ITIH2: variants seen among roughly 807,000 people sequenced by gnomAD.
The protein encoded by ITIH2 is inter-alpha-trypsin inhibitor heavy chain 2, also known as inter-alpha-trypsin inhibitor heavy chain H2.
In ITIH2, 103 loss-of-function variants were observed where a neutral mutation model predicts 104.4. The ratio of observed to expected loss-of-function variants is 0.99; its 90% confidence interval spans 0.84 to 1.16. The LOEUF (loss-of-function observed/expected upper bound fraction) is 1.16. Ranked by LOEUF, ITIH2 falls within the 50% of genes most tolerant of loss-of-function variation. The pLI is 0.00. For missense variants in ITIH2, 1,108 were observed against 1,162.4 expected (o/e 0.95, Z 0.68); for synonymous variants, 436 against 435.4 (o/e 1.00, Z -0.02).
chr10:7,717,626 G>A lies in ITIH2; in HGVS notation c.468G>A (p.Arg156=), dbSNP rs757028254. 9 of 1,612,546 alleles carry A rather than the reference G, an allele frequency of 5.6e-6. No individual in the cohort carries two copies. Among genetic ancestry groups the A allele is most frequent in the South Asian group, 4.4e-5 (4 of 91,010 alleles). ...TTTTGTTGGGGGCTTTCACCTTTAG[G>A]AGCAGCGCTCTTGATATGGAAAACT... ...RAKGKTAGLV[R]SSALDMENFR... is the part of the protein sequence containing the mutation. Residue 156 remains arginine, a splice_region_variant and synonymous_variant, in exon 6 of 21, where the codon AGG becomes AGA. Coordinates refer to ENST00000358415, the MANE Select transcript of ITIH2 (RefSeq NM_002216.3).
Position 7,703,354 on chromosome 10 carries a change from T to G in ITIH2, c.-81T>G. On this transcript the variant is annotated 5_prime_UTR_variant, in exon 1 of 21. Coordinates refer to ENST00000358415, the MANE Select transcript of ITIH2 (RefSeq NM_002216.3). ...GCGAACTGTACTCCTCTGCTGTTCC[T>G]TTGAACTTGGTTCAGTAGGAAGAAG... 1.1e-6 allele frequency: 1 copy of G among 917,436 alleles called. No homozygotes were observed. The highest frequency in any genetic ancestry group is 1.8e-6 in the Non-Finnish European group (1 of 549,792). The allele number at this position is 917,436 out of a possible 1,614,324, so 56.8% of individuals were successfully genotyped here.
In ITIH2 at chr10:7,717,610, G is replaced by A. The variant is rs1834862304; in HGVS notation, c.468-16G>A. The A allele has an allele frequency of 1.9e-6, 3 of 1,607,064 alleles. No homozygotes were observed. The highest frequency in any genetic ancestry group is 1.7e-5 in the Admixed American group (1 of 59,858). ...TCATGTATCTGTTGACTTTTGTTGG[G>A]GGCTTTCACCTTTAGGAGCAGCGCT... On this transcript the variant is annotated splice_polypyrimidine_tract_variant and intron_variant, in intron 5 of 20. Transcript: ENST00000358415.
At position 7,727,758 on chromosome 10, in the gene ITIH2, T is replaced by C; in HGVS notation, c.1209T>C (p.Asn403=). ...LRAIFILNEA[N]NLGLLDPNSV... is the part of the protein sequence containing the mutation. ...CAATCTTCATTTTGAATGAAGCCAA[T>C]AACTTGGGACTGTTAGACCCCAACT... Residue 403 remains asparagine, a synonymous_variant, in exon 11 of 21, where the codon AAT becomes AAC. Coordinates refer to ENST00000358415, the MANE Select transcript of ITIH2 (RefSeq NM_002216.3). 1 of 1,614,120 alleles carries C rather than the reference T, an allele frequency of 6.2e-7. No homozygotes were observed. Among genetic ancestry groups the C allele is most frequent in the Non-Finnish European group, 8.5e-7 (1 of 1,179,948 alleles).
chr10:7,732,362 A>C lies in ITIH2; in HGVS notation c.1672A>C (p.Thr558Pro), dbSNP rs1286082004. 1 of 1,613,996 alleles carries C rather than the reference A, an allele frequency of 6.2e-7. No individual in the cohort carries two copies. The highest frequency in any genetic ancestry group is 1.7e-5 in the Admixed American group (1 of 60,022). ...TSANTQLVLE[T>P]LAQMDDLQDF... ...GGCTAACACGCAGTTAGTCTTGGAG[A>C]CCCTGGCCCAGATGGACGACTTGCA... Residue 558 changes from threonine (T) to proline (P), a missense_variant, in exon 14 of 21, where the codon ACC becomes CCC. Thr to Pro is a conservative substitution (Grantham distance 38). Coordinates refer to ENST00000358415, the MANE Select transcript of ITIH2 (RefSeq NM_002216.3).
chr10:7,712,552 G>C (rs1277911567), intron 4 of ITIH2, among the ~76,000 whole-genome samples: 1 of 152,046 alleles, frequency 6.6e-6, no homozygotes, highest in Non-Finnish European at 1.5e-5. Flanking sequence ...TCATTCAAAG[G>C]GGATACCCAA....
At chr10:7,719,760 C>CAAAAAA (rs71385664) in intron 6 of ITIH2, among the ~76,000 whole-genome samples, 24 of 41,674 alleles carry the variant, frequency 5.8e-4, no homozygotes, top group African/African-American at 8.3e-4. Flanking sequence ...GACCCTGTCT[C>CAAAAAA]AAAAAAAAAA....
intron 5 of ITIH2, among the ~76,000 whole-genome samples, chr10:7,713,591 GGTGATCTT>G (rs1185440804): frequency 3.3e-5 from 5 of 152,164 alleles, no homozygotes; most frequent in Non-Finnish European, 2.9e-5. Context: ...CAGAAATATT[GGTGATCTT>G]GTGATCTTGT....
At chr10:7,711,688 C>T (rs1422744910) in intron 4 of ITIH2, among the ~76,000 whole-genome samples, 1 of 152,144 alleles carries the variant, frequency 6.6e-6, no homozygotes, top group Non-Finnish European at 1.5e-5. Flanking sequence ...CACAAGTGTG[C>T]CTCAACACAC....
intron 20 of ITIH2, among the ~76,000 whole-genome samples, chr10:7,747,402 T>G (rs1835189313): frequency 6.6e-6 from 1 of 152,170 alleles, no homozygotes; most frequent in African/African-American, 2.4e-5. Flanking sequence ...TAACATAAAA[T>G]TGTAGTCGGA....
intron 4 of ITIH2, among the ~76,000 whole-genome samples, chr10:7,711,795 C>T (rs1353110067): frequency 6.6e-6 from 1 of 152,188 alleles, no homozygotes; most frequent in East Asian, 1.9e-4. Flanking sequence ...CAAATGCCAG[C>T]AGCACTTCCA....
intron 14 of ITIH2, among the ~76,000 whole-genome samples, chr10:7,733,934 G>C (rs528450840): frequency 7.4e-4 from 112 of 151,726 alleles, no homozygotes; most frequent in Non-Finnish European, 1.1e-3. Flanking sequence ...ACGAGAAATA[G>C]CTCCCTCTCT....
chr10:7,732,722 TATTTA>T lies in ITIH2; in HGVS notation c.1787+246_1787+250del, dbSNP rs375383753. ...TGCATTAATTTTTTAATTTTTATTTTATTTATTTATTTTTATTTTTTTTGAGGCAG... is the reference window on the plus strand; with the variant it reads ...TGCATTAATTTTTTAATTTTTATTTTTTTATTTTTATTTTTTTTGAGGCAG... On this transcript the variant is annotated intron_variant, in intron 14 of 20. Transcript: ENST00000358415. Among the ~76,000 whole-genome samples the T allele has an allele frequency of 1.6e-4, 24 of 152,214 alleles. No homozygotes were observed. The East Asian group carries it at 4.2e-3, about 27-fold the overall frequency.
chr10:7,723,400 C>A (rs778534507), intron 8 of ITIH2, 51 bp from the exon 9 acceptor site: 2 of 1,193,682 alleles, frequency 1.7e-6, no homozygotes, highest in Admixed American at 3.4e-5. Flanking sequence ...CATCTTCCTA[C>A]CTTCTAAACA....
chr10:7,747,038 A>T (rs1311800583), intron 20 of ITIH2, among the ~76,000 whole-genome samples: 2 of 152,188 alleles, frequency 1.3e-5, no homozygotes, highest in Admixed American at 6.5e-5. Context: ...ACCTATTACC[A>T]TAGTGCTGCA....
At chr10:7,737,747 A>T (rs377237448) in intron 15 of ITIH2, among the ~76,000 whole-genome samples, 266 of 19,232 alleles carry the variant, frequency 0.014, 89 homozygotes, top group African/African-American at 0.064. Flanking sequence ...TATTCTATAT[A>T]ATATTCTATA....
At position 7,735,206 on chromosome 10, in the gene ITIH2, T is replaced by C. The variant is rs1835043233; in HGVS notation, c.1957+115T>C. On this transcript the variant is annotated intron_variant, in intron 15 of 20. Coordinates refer to ENST00000358415, the MANE Select transcript of ITIH2 (RefSeq NM_002216.3). ...CCAGCCCACCTCTTGCTCCCAGCCCTGGGCCCTCCTGTGCCCAAGCTCTTC... is the reference window on the plus strand; with the variant it reads ...CCAGCCCACCTCTTGCTCCCAGCCCCGGGCCCTCCTGTGCCCAAGCTCTTC... 37 of 895,922 alleles carry C rather than the reference T, an allele frequency of 4.1e-5. No individual in the cohort carries two copies. The South Asian group carries it at 7.2e-4, about 17-fold the overall frequency. 55.5% of individuals were successfully genotyped at this position (895,922 alleles called of 1,614,324 possible). A position where few individuals can be genotyped will look rare whatever the true frequency, so the allele number is the denominator to read the frequency against.
rs374923183 is a variant in ITIH2, at chr10:7,724,570, C to CAAAAAAAAAAAAAAAAAAAAA, written c.984+1020_984+1021insAAAAAAAAAAAAAAAAAAAAA. Reference sequence around the variant, plus strand: ...GGGCAACAAGAGCGAAACTCCATCTCAAAAAAAAAAAAAAAAAGAAGAGGA... The same window carrying CAAAAAAAAAAAAAAAAAAAAA: ...GGGCAACAAGAGCGAAACTCCATCTCAAAAAAAAAAAAAAAAAAAAAAAAAAAAAAAAAAAAAAGAAGAGGA... On this transcript the variant is annotated intron_variant, in intron 9 of 20. Coordinates refer to ENST00000358415, the MANE Select transcript of ITIH2 (RefSeq NM_002216.3). Among the ~76,000 whole-genome samples the CAAAAAAAAAAAAAAAAAAAAA allele has an allele frequency of 2.5e-4, 13 of 51,856 alleles. 2 individuals carry two copies. The highest frequency in any genetic ancestry group is 7.2e-4 in the African/African-American group (9 of 12,476). 34.0% of individuals were successfully genotyped at this position (51,856 alleles called of 152,430 possible).
chr10:7,723,234 G>T (rs1031957849), intron 8 of ITIH2, among the ~76,000 whole-genome samples: 2 of 151,988 alleles, frequency 1.3e-5, no homozygotes, highest in Non-Finnish European at 2.9e-5. Flanking sequence ...GTGAAGCAGC[G>T]TGGAGTGGAG....
At chr10:7,728,242 T>C (rs1308265581) in intron 11 of ITIH2, among the ~76,000 whole-genome samples, 1 of 152,168 alleles carries the variant, frequency 6.6e-6, no homozygotes, top group African/African-American at 2.4e-5. Context: ...TTCCCTATTA[T>C]TCTCCACACT....
Sources: allele counts gnomAD v4.1 joint callset (sites outside exome capture counted in the v4.1 genomes callset), GRCh38; gene constraint gnomAD v4.1.1; transcripts MANE v1.5; gene names NCBI Gene and HGNC (gene_info 2026-07-23, HGNC 2026-07-21).